Variants in DLC1 observed in about 807,000 individuals in gnomAD.
DLC1 encodes the protein DLC1 Rho GTPase activating protein, also known as rho GTPase-activating protein 7.
DLC1 carries 54 observed loss-of-function variants against 140.3 expected under a neutral mutation model. The observed-to-expected ratio is 0.38, with a 90% confidence interval of 0.31 to 0.48. The LOEUF is 0.48. DLC1 is among the 20% of genes least tolerant of loss of function. The pLI is 0.96. For missense variants in DLC1, 2,536 were observed against 1,907.0 expected (o/e 1.33, Z -6.14); for synonymous variants, 986 against 728.1 (o/e 1.35, Z -5.70).
At position 13,471,434 on chromosome 8, in the gene DLC1, A is replaced by G. The variant is rs78680681; in HGVS notation, c.1023+27615T>C. Among the ~76,000 whole-genome samples the G allele has an allele frequency of 9.6e-3, 1,402 of 145,502 alleles. 13 individuals are homozygous for G. Among genetic ancestry groups the G allele is most frequent in the Admixed American group, 0.017 (256 of 14,730 alleles). The stretch of plus-strand genomic sequence containing the variant: ...CTGTCATACACCCTTGGTATATACA[A>G]TTTATGTTGTGGAAAAAAGAGTGAG... On this transcript the variant is annotated intron_variant, in intron 2 of 17. Coordinates refer to ENST00000276297, the MANE Select transcript of DLC1 (RefSeq NM_182643.3).
At chr8:13,428,793 A>G (rs578206769) in intron 2 of DLC1, among the ~76,000 whole-genome samples, 1 of 152,222 alleles carries the variant, frequency 6.6e-6, no homozygotes, top group African/African-American at 2.4e-5. Flanking sequence ...TGTTTTTCTC[A>G]ATGTATACCA....
chr8:13,317,305 A>T (rs1832898836), intron 4 of DLC1, among the ~76,000 whole-genome samples: 1 of 152,214 alleles, frequency 6.6e-6, no homozygotes, highest in Non-Finnish European at 1.5e-5. Flanking sequence ...TCCAGACTGA[A>T]TTGCTTCAAT....
At chr8:13,131,468 G>C (rs1322593375) in intron 5 of DLC1, among the ~76,000 whole-genome samples, 2 of 152,092 alleles carry the variant, frequency 1.3e-5, no homozygotes, top group African/African-American at 4.8e-5. Flanking sequence ...AGTAATCGCC[G>C]AAACAACCTC....
chr8:13,095,343 T>G (rs1818423012), intron 10 of DLC1, 98 bp from the exon 11 acceptor site: 1 of 1,465,932 alleles, frequency 6.8e-7, no homozygotes, highest in Admixed American at 1.8e-5. Flanking sequence ...GGGCTCCAGA[T>G]CTGTGCTAAT....
intron 4 of DLC1, among the ~76,000 whole-genome samples, chr8:13,309,345 T>A (rs986091454): frequency 1.3e-5 from 2 of 152,148 alleles, no homozygotes; most frequent in African/African-American, 4.8e-5. Flanking sequence ...TCTAGGATAT[T>A]TAAATAATAA....
Position 13,083,854 on chromosome 8 carries a change from C to G in DLC1, c.*1957G>C, listed in dbSNP as rs1172482632. 6.6e-6 allele frequency: 1 copy of G among 152,606 alleles called. No individual in the cohort carries two copies. Among genetic ancestry groups the G allele is most frequent in the East Asian group, 1.9e-4 (1 of 5,196 alleles). The allele number at this position is 152,606 out of a possible 1,614,324, so 9.5% of individuals were successfully genotyped here. A position where few individuals can be genotyped will look rare whatever the true frequency, so the allele number is the denominator to read the frequency against. The stretch of plus-strand genomic sequence containing the variant: ...TTGTAGTTGATGCTAAAATGCTATG[C>G]TTTGCAATCTGTGGTTTTAAGGGTG... On this transcript the variant is annotated 3_prime_UTR_variant, in exon 18 of 18. Transcript: ENST00000276297.
In DLC1 at chr8:13,563,696, G is replaced by A. The variant is rs116481760; in HGVS notation, c.-126+40841C>T. Among the ~76,000 whole-genome samples the A allele has an allele frequency of 1.5e-3, 228 of 152,156 alleles. 1 individual carries two copies. The highest frequency in any genetic ancestry group is 5.0e-3 in the African/African-American group (208 of 41,506). ...AAAATGTGCATACATTTTGACCCACGAATTATGATTTCTGGAATTTATCCT... is the reference window on the plus strand; with the variant it reads ...AAAATGTGCATACATTTTGACCCACAAATTATGATTTCTGGAATTTATCCT... On this transcript the variant is annotated intron_variant, in intron 1 of 1. Coordinates refer to the DLC1 transcript ENST00000631382.
At position 13,228,977 on chromosome 8, in the gene DLC1, G is replaced by A. The variant is rs6992281; in HGVS notation, c.1348+76292C>T. On this transcript the variant is annotated intron_variant, in intron 5 of 17. Transcript: ENST00000276297. The stretch of plus-strand genomic sequence containing the variant: ...GATGTGGAGGGATTGGAACCCTCAT[G>A]CGTTGTTGGTGAGAATATAAAATGG... Among the ~76,000 whole-genome samples the A allele has an allele frequency of 1.9e-3, 290 of 152,314 alleles. 1 individual carries two copies. Among genetic ancestry groups the A allele is most frequent in the African/African-American group, 6.6e-3 (276 of 41,574 alleles).
At chr8:13,136,815 G>A (rs867537883) in intron 5 of DLC1, among the ~76,000 whole-genome samples, 8 of 152,200 alleles carry the variant, frequency 5.3e-5, no homozygotes, top group Admixed American at 3.3e-4. Context: ...GATTACAGGT[G>A]TGAGCCACCA....
chr8:13,496,503 C>T (rs1801508509), intron 2 of DLC1, among the ~76,000 whole-genome samples: 1 of 151,784 alleles, frequency 6.6e-6, no homozygotes, highest in East Asian at 1.9e-4. Context: ...AATTTTGTGC[C>T]TATTTAGCCA....
intron 5 of DLC1, among the ~76,000 whole-genome samples, chr8:13,233,378 C>G (rs1829141478): frequency 6.8e-6 from 1 of 148,036 alleles, no homozygotes; most frequent in Admixed American, 6.7e-5. Context: ...TTTGAAAACT[C>G]CGGTTTACAA....
intron 4 of DLC1, among the ~76,000 whole-genome samples, chr8:13,379,450 T>C (rs1400230205): frequency 3.3e-5 from 5 of 152,232 alleles, no homozygotes; most frequent in Non-Finnish European, 4.4e-5. Context: ...CTTATAACAC[T>C]TACATTAACC....
intron 4 of DLC1, among the ~76,000 whole-genome samples, chr8:13,347,658 A>G (rs1044636273): frequency 2.6e-5 from 4 of 152,206 alleles, no homozygotes; most frequent in Admixed American, 1.3e-4. Context: ...GGTCACTTCC[A>G]GGATGCCTGG....
At chr8:13,386,146 T>C (rs1836510707) in intron 4 of DLC1, among the ~76,000 whole-genome samples, 1 of 152,198 alleles carries the variant, frequency 6.6e-6, no homozygotes, top group Non-Finnish European at 1.5e-5. Context: ...ATTTTTCTCA[T>C]TGTAATGATG....
intron 4 of DLC1, among the ~76,000 whole-genome samples, chr8:13,372,106 G>A (rs932217068): frequency 6.6e-5 from 10 of 151,892 alleles, no homozygotes; most frequent in African/African-American, 1.9e-4. Context: ...GTCACAACTC[G>A]TTACCATTTA....
intron 5 of DLC1, among the ~76,000 whole-genome samples, chr8:13,251,737 GT>G (rs1183774766): frequency 1.3e-5 from 2 of 152,020 alleles, no homozygotes; most frequent in Admixed American, 6.6e-5. Context: ...CTGAACCAAA[GT>G]TTCTTCATCT....
At chr8:13,241,582 A>T (rs1829546625) in intron 5 of DLC1, among the ~76,000 whole-genome samples, 1 of 152,306 alleles carries the variant, frequency 6.6e-6, no homozygotes, top group Admixed American at 6.5e-5. Context: ...GAAATGTATG[A>T]AAAGCCTTTC....
Position 13,091,462 on chromosome 8 carries a change from G to T in DLC1, c.3741-30C>A, listed in dbSNP as rs778484856. The T allele has an allele frequency of 6.8e-5, 107 of 1,562,748 alleles. 2 individuals are homozygous for T. The Middle Eastern group carries it at 8.5e-4, about 12-fold the overall frequency. ...GTAGAAGAAATACAGGAGGGGAACA[G>T]TTCAAATATTTATATATTTTTCTTC... is the stretch of plus-strand genomic sequence containing the variant. On this transcript the variant is annotated intron_variant, in intron 13 of 17. Coordinates refer to ENST00000276297, the MANE Select transcript of DLC1 (RefSeq NM_182643.3).
chr8:13,278,664 C>T (rs975885914), intron 5 of DLC1, among the ~76,000 whole-genome samples: 3 of 152,262 alleles, frequency 2.0e-5, no homozygotes, highest in African/African-American at 7.2e-5. Flanking sequence ...AAGTTAGGGA[C>T]ACACAGTCAC....
Sources: allele counts gnomAD v4.1 joint callset (sites outside exome capture counted in the v4.1 genomes callset), GRCh38; gene constraint gnomAD v4.1.1; transcripts MANE v1.5; gene names NCBI Gene and HGNC (gene_info 2026-07-23, HGNC 2026-07-21).